Variants in FAM178B observed in about 807,000 individuals in gnomAD.
FAM178B encodes the protein protein FAM178B.
A neutral mutation model predicts 91.7 loss-of-function variants in FAM178B; 82 were observed. The observed-to-expected ratio is 0.89, with a 90% CI of 0.75 to 1.07. FAM178B has a LOEUF of 1.07. FAM178B is among the 50% of genes least tolerant of loss of function. The probability of loss-of-function intolerance (pLI) is 0.00; values close to 1 mark genes in which losing one functional copy is unlikely to be tolerated. For synonymous variants in FAM178B, 368 were observed against 359.4 expected (o/e 1.02, Z -0.27); for missense variants, 769 against 846.7 (o/e 0.91, Z 1.14).
chr2:96,937,488 G>A (rs1366731924), intron 8 of FAM178B, among the ~76,000 whole-genome samples: 2 of 152,140 alleles, frequency 1.3e-5, no homozygotes, highest in African/African-American at 4.8e-5. Context: ...CCCTCTCGCC[G>A]CACCTGAGGC....
In FAM178B at chr2:96,956,316, G is replaced by A. The variant is rs145434452; in HGVS notation, c.887+3972C>T. Reference sequence around the variant, plus strand: ...TGTGGTGGCAGGGGACTGACCCTGGGATGCACAGCTAGCTTGGTGATGGAT... The same window carrying A: ...TGTGGTGGCAGGGGACTGACCCTGGAATGCACAGCTAGCTTGGTGATGGAT... On this transcript the variant is annotated intron_variant, in intron 6 of 16. Coordinates refer to ENST00000490605, the MANE Select transcript of FAM178B (RefSeq NM_001122646.3). 1.4e-3 allele frequency among the ~76,000 whole-genome samples: 218 copies of A among 152,330 alleles called. 8 individuals carry two copies. The East Asian group carries it at 0.039, about 27-fold the overall frequency.
At position 96,951,236 on chromosome 2, in the gene FAM178B, T is replaced by C. The variant is rs1574293431; in HGVS notation, c.993+143A>G. ...TTGTGGGGATCGATGCCCAATCAGC[T>C]CTCCTCCCTCCTCCCAGCCTGAGCC... On this transcript the variant is annotated intron_variant, in intron 7 of 16. Coordinates refer to ENST00000490605, the MANE Select transcript of FAM178B (RefSeq NM_001122646.3). The C allele has an allele frequency of 1.9e-5, 12 of 647,080 alleles. No individual in the cohort carries two copies. The East Asian group carries it at 3.1e-4, about 17-fold the overall frequency. 40.1% of individuals were successfully genotyped at this position (647,080 alleles called of 1,614,324 possible).
intron 12 of FAM178B, among the ~76,000 whole-genome samples, chr2:96,913,233 C>T (rs564649749): frequency 6.6e-6 from 1 of 152,288 alleles, no homozygotes; most frequent in African/African-American, 2.4e-5. Context: ...GCTGGGAGTG[C>T]AGAGGCTTCA....
intron 8 of FAM178B, among the ~76,000 whole-genome samples, chr2:96,946,698 A>G (rs924794267): frequency 1.3e-5 from 2 of 152,274 alleles, no homozygotes; most frequent in African/African-American, 4.8e-5. Flanking sequence ...GAGGAGACAC[A>G]TACCACTGCA....
intron 1 of FAM178B, 138 bp downstream of exon 1, chr2:96,986,103 G>A: frequency 6.9e-7 from 1 of 1,453,230 alleles, no homozygotes; most frequent in East Asian, 2.5e-5. Context: ...GCAGGAACCT[G>A]AAAAGCGCCA....
At chr2:96,920,321 G>C (rs933634372) in intron 12 of FAM178B, among the ~76,000 whole-genome samples, 3 of 152,220 alleles carry the variant, frequency 2.0e-5, no homozygotes, top group Non-Finnish European at 2.9e-5. Context: ...GAATTTACAG[G>C]CCAGGCGTGG....
rs1173414602 is a variant in FAM178B at position 96,902,709 on chromosome 2, T to TG, written c.1563-3dup. The TG allele has an allele frequency of 1.3e-6, 2 of 1,549,154 alleles. No individual in the cohort carries two copies. The highest frequency in any genetic ancestry group is 3.9e-5 in the Admixed American group (2 of 50,954). ...AGGCTGAGCTGGCTTCGAAGCCGCCTGGGGGAAAAGCGACAGCCTGAGAGA... is the reference window on the plus strand; with the variant it reads ...AGGCTGAGCTGGCTTCGAAGCCGCCTGGGGGGAAAAGCGACAGCCTGAGAGA... On this transcript the variant is annotated splice_region_variant and splice_polypyrimidine_tract_variant and intron_variant, in intron 12 of 16. Coordinates refer to ENST00000490605, the MANE Select transcript of FAM178B (RefSeq NM_001122646.3).
intron 1 of FAM178B, among the ~76,000 whole-genome samples, chr2:96,974,687 AAAAG>A (rs1392166318): frequency 6.6e-6 from 1 of 152,198 alleles, no homozygotes; most frequent in Non-Finnish European, 1.5e-5. Flanking sequence ...AAATAGTACT[AAAAG>A]AAAGCTCGGG....
At chr2:96,922,118 G>A (rs1399402058) in intron 10 of FAM178B, among the ~76,000 whole-genome samples, 1 of 152,090 alleles carries the variant, frequency 6.6e-6, no homozygotes. Context: ...GAATTAGCAT[G>A]CTAAAAGACA....
chr2:96,977,194 C>CAAAAAAAAAAAAAAAAA (rs70964891), intron 1 of FAM178B, among the ~76,000 whole-genome samples: 5 of 38,524 alleles, frequency 1.3e-4, no homozygotes, highest in Non-Finnish European at 2.3e-4. Context: ...GACTCTGTCT[C>CAAAAAAAAAAAAAAAAA]AAAAAAAAAA....
intron 6 of FAM178B, among the ~76,000 whole-genome samples, chr2:96,959,575 G>C (rs1184034070): frequency 6.6e-6 from 1 of 152,178 alleles, no homozygotes; most frequent in Non-Finnish European, 1.5e-5. Flanking sequence ...AGGTGGGCAA[G>C]GACAGCCCCT....
chr2:96,928,832 G>A (rs1172753827), intron 9 of FAM178B, among the ~76,000 whole-genome samples: 2 of 152,154 alleles, frequency 1.3e-5, no homozygotes, highest in African/African-American at 2.4e-5. Flanking sequence ...TACAGCCTGA[G>A]TCCAGCAACT....
chr2:96,898,837 G>T (rs144065988), intron 13 of FAM178B, among the ~76,000 whole-genome samples: 226 of 152,340 alleles, frequency 1.5e-3, no homozygotes, highest in African/African-American at 5.3e-3. Context: ...CGGGTCGGGG[G>T]TGACAGGTGG....
At chr2:96,980,196 T>G (rs2082344320) in intron 1 of FAM178B, among the ~76,000 whole-genome samples, 1 of 151,084 alleles carries the variant, frequency 6.6e-6, no homozygotes, top group African/African-American at 2.4e-5. Flanking sequence ...ATGCCTCAGC[T>G]TCCCAAGTAG....
intron 14 of FAM178B, among the ~76,000 whole-genome samples, chr2:96,884,155 C>T (rs967346243): frequency 6.6e-6 from 1 of 152,138 alleles, no homozygotes; most frequent in Non-Finnish European, 1.5e-5. Flanking sequence ...CAGTAGCGCA[C>T]ACAGAGAGGG....
chr2:96,960,546 C>CTCTA, intron 5 of FAM178B, 106 bp from the exon 6 acceptor site: 2 of 1,303,230 alleles, frequency 1.5e-6, no homozygotes, highest in Non-Finnish European at 2.1e-6. Flanking sequence ...GGCTCCCTGC[C>CTCTA]TTGCAGTCCT....
At chr2:96,884,324 G>A (rs1488775958) in intron 14 of FAM178B, among the ~76,000 whole-genome samples, 1 of 152,210 alleles carries the variant, frequency 6.6e-6, no homozygotes, top group African/African-American at 2.4e-5. Context: ...GTGGATGGTG[G>A]TGGGGTCTCT....
chr2:96,927,555 C>T (rs1056034132), intron 9 of FAM178B, among the ~76,000 whole-genome samples: 3 of 152,300 alleles, frequency 2.0e-5, no homozygotes, highest in Non-Finnish European at 4.4e-5. Flanking sequence ...GGCTTAACTG[C>T]GCCTGGGAAA....
chr2:96,937,915 C>T (rs1322670868), intron 8 of FAM178B, among the ~76,000 whole-genome samples: 2 of 152,124 alleles, frequency 1.3e-5, no homozygotes, highest in African/African-American at 4.8e-5. Flanking sequence ...GTAGTCCCAG[C>T]CACTCAGGAC....
Sources: allele counts gnomAD v4.1 joint callset (sites outside exome capture counted in the v4.1 genomes callset), GRCh38; gene constraint gnomAD v4.1.1; transcripts MANE v1.5; gene names NCBI Gene and HGNC (gene_info 2026-07-23, HGNC 2026-07-21).